PKHD1L1: variants seen among roughly 807,000 people sequenced by gnomAD.
PKHD1L1 encodes the protein fibrocystin-L.
In PKHD1L1, 434 loss-of-function variants were observed where a neutral mutation model predicts 462.9. The observed-to-expected ratio is 0.94, with a 90% CI of 0.87 to 1.02. The LOEUF is 1.02. PKHD1L1 is among the 50% of genes least tolerant of loss of function. The pLI, the probability that PKHD1L1 is intolerant of heterozygous loss-of-function variation, is 0.00. For missense variants in PKHD1L1, 5,202 were observed against 5,096.1 expected (o/e 1.02, Z -0.63); for synonymous variants, 1,781 against 1,750.0 (o/e 1.02, Z -0.44).
chr8:109,481,551 C>T lies in PKHD1L1; in HGVS notation c.9446C>T (p.Ala3149Val). The T allele has an allele frequency of 6.3e-7, 1 of 1,592,260 alleles. No homozygotes were observed. The highest frequency in any genetic ancestry group is 8.6e-7 in the Non-Finnish European group (1 of 1,169,130). The change falls in exon 56 of 78, where the codon GCA becomes GTA. Residue 3149 changes from alanine (A) to valine (V), a missense_variant. Transcript: ENST00000378402. ...WALPEGPNQG[A>V]KVLGVFGELD... ...CTTCCAGAAGGACCAAATCAAGGGG[C>T]AAAGGTCTTAGGTGTGTGTCTACAG... is the stretch of plus-strand genomic sequence containing the variant.
At position 109,485,077 on chromosome 8, in the gene PKHD1L1, T is replaced by C; in HGVS notation, c.9610T>C (p.Tyr3204His). 6.2e-7 allele frequency: 1 copy of C among 1,602,988 alleles called. No homozygotes were observed. The highest frequency in any genetic ancestry group is 8.5e-7 in the Non-Finnish European group (1 of 1,174,452). Residue 3204 changes from tyrosine (Y) to histidine (H), a missense_variant, in exon 58 of 78, where the codon TAC (tyrosine) becomes CAC (histidine). This residue lies in a region of PKHD1L1 where 4,497 missense variants were observed against 4,336.8 expected (regional missense o/e 1.04). Transcript: ENST00000378402. Reference protein sequence around the residue: ...GEEIVITTTSYDFHQTETRSI... With the variant: ...GEEIVITTTSHDFHQTETRSI... ...AGAGATTGTGATAACAACCACAAGC[T>C]ACGATTTCCACCAGACAGAAACAAG...
chr8:109,445,166 T>C lies in PKHD1L1; in HGVS notation c.5297T>C (p.Leu1766Pro). Residue 1766 changes from leucine to proline, a missense_variant, in exon 38 of 78, where the codon CTT becomes CCT. Transcript: ENST00000378402. ...TCTGTCATAGGATCTGTAAAAGTTC[T>C]TATTGAAGGAGAAGGTTTGGGGACT... ...PNSVIGSVKVLIEGEGLGTVL... is the reference protein window; with the variant it reads ...PNSVIGSVKVPIEGEGLGTVL... 6.2e-7 allele frequency: 1 copy of C among 1,613,954 alleles called. No homozygotes were observed. Among genetic ancestry groups the C allele is most frequent in the South Asian group, 1.1e-5 (1 of 91,082 alleles).
In PKHD1L1 at chr8:109,479,648, G is replaced by T; in HGVS notation, c.9178+9G>T. On this transcript the variant is annotated intron_variant, in intron 54 of 77. Coordinates refer to ENST00000378402, the MANE Select transcript of PKHD1L1 (RefSeq NM_177531.6). Reference sequence around the variant, plus strand: ...TGTGATTATACCTGAAGGTAAATGCGTAAACACAAATGAATGAAATGTTTG... The same window carrying T: ...TGTGATTATACCTGAAGGTAAATGCTTAAACACAAATGAATGAAATGTTTG... The T allele has an allele frequency of 7.0e-7, 1 of 1,432,170 alleles. No individual in the cohort carries two copies. Among genetic ancestry groups the T allele is most frequent in the Non-Finnish European group, 9.7e-7 (1 of 1,034,368 alleles). 88.7% of individuals were successfully genotyped at this position (1,432,170 alleles called of 1,614,324 possible).
chr8:109,471,920 G>A (rs771942641), intron 50 of PKHD1L1, among the ~76,000 whole-genome samples: 2 of 152,042 alleles, frequency 1.3e-5, no homozygotes, highest in South Asian at 2.1e-4. Flanking sequence ...TATAATGTCA[G>A]CTTATCCTAA....
At chr8:109,461,736 A>ATT (rs111875443) in intron 47 of PKHD1L1, 36 bp from the exon 48 acceptor site, 378 of 1,561,956 alleles carry the variant, frequency 2.4e-4, no homozygotes, top group Admixed American at 8.4e-4. Flanking sequence ...GGATTCCGAC[A>ATT]ATTTTTTTAA....
chr8:109,434,909 A>G (rs930104339), intron 28 of PKHD1L1, among the ~76,000 whole-genome samples: 2 of 152,098 alleles, frequency 1.3e-5, no homozygotes, highest in Admixed American at 1.3e-4. Context: ...AATTATGACA[A>G]TAGTCTGTTT....
rs115421118 is a variant in PKHD1L1, at chr8:109,423,687, A to T, written c.2698-1398A>T. ...CCTTGCTGGTATTTTGACAATAATTACATTAAATCTATAGACTGTTTTGGA... is the reference window on the plus strand; with the variant it reads ...CCTTGCTGGTATTTTGACAATAATTTCATTAAATCTATAGACTGTTTTGGA... On this transcript the variant is annotated intron_variant, in intron 23 of 77. Transcript: ENST00000378402. 4.3e-3 allele frequency among the ~76,000 whole-genome samples: 657 copies of T among 152,326 alleles called. 6 individuals carry two copies. The highest frequency in any genetic ancestry group is 0.015 in the African/African-American group (629 of 41,584).
intron 28 of PKHD1L1, among the ~76,000 whole-genome samples, chr8:109,434,408 C>T (rs1443262817): frequency 6.7e-6 from 1 of 149,642 alleles, no homozygotes; most frequent in South Asian, 2.1e-4. Context: ...AAAATGTTTT[C>T]ATTTACTTTT....
chr8:109,520,833 T>C (rs762647149), intron 73 of PKHD1L1, among the ~76,000 whole-genome samples: 13 of 152,138 alleles, frequency 8.5e-5, no homozygotes, highest in Admixed American at 1.3e-4. Flanking sequence ...GGTTTCTAGA[T>C]GGCAATCAGC....
intron 43 of PKHD1L1, among the ~76,000 whole-genome samples, chr8:109,453,516 G>A (rs1180327322): frequency 1.3e-5 from 2 of 152,082 alleles, no homozygotes; most frequent in South Asian, 2.1e-4. Flanking sequence ...CACAAACTTT[G>A]CCATAACAGG....
rs1812811324 is a variant in PKHD1L1 at position 109,393,608 on chromosome 8, G to T, written c.741-807G>T. 5.9e-5 allele frequency among the ~76,000 whole-genome samples: 9 copies of T among 152,256 alleles called. 1 individual carries two copies. In the South Asian group the frequency reaches 1.9e-3, roughly 32 times the overall value. Reference sequence around the variant, plus strand: ...GTACTGTGTAATACACACGTGAGGAGCCACAGCTCTGGACTCAAACTGCCT... The same window carrying T: ...GTACTGTGTAATACACACGTGAGGATCCACAGCTCTGGACTCAAACTGCCT... On this transcript the variant is annotated intron_variant, in intron 9 of 77. Coordinates refer to ENST00000378402, the MANE Select transcript of PKHD1L1 (RefSeq NM_177531.6).
At chr8:109,510,665 T>C in intron 70 of PKHD1L1, 112 bp from the exon 71 acceptor site, 2 of 1,330,088 alleles carry the variant, frequency 1.5e-6, no homozygotes, top group Non-Finnish European at 1.0e-6. Flanking sequence ...AATGCTGAAC[T>C]TGCATTTGAA....
intron 11 of PKHD1L1, among the ~76,000 whole-genome samples, chr8:109,398,168 G>A (rs1813073017): frequency 6.6e-6 from 1 of 152,016 alleles, no homozygotes; most frequent in South Asian, 2.1e-4. Context: ...GAATTCAGAA[G>A]TAACATTTTG....
intron 75 of PKHD1L1, 63 bp from the exon 76 acceptor site, chr8:109,523,169 TA>T: frequency 7.0e-7 from 1 of 1,423,572 alleles, no homozygotes; most frequent in Non-Finnish European, 9.5e-7. Flanking sequence ...AAGTTTTGCA[TA>T]TATTTTTAAA....
chr8:109,464,967 A>C lies in PKHD1L1; in HGVS notation c.8135A>C (p.His2712Pro). Residue 2712 changes from histidine (H) to proline (P), a missense_variant, in exon 49 of 78, where the codon CAT becomes CCT. His to Pro is a moderately conservative substitution (Grantham distance 77). Transcript: ENST00000378402. ...AVIKNAKIVG[H>P]LDELGMGSAF... ...ATTAAAAATGCCAAAATAGTCGGCC[A>C]TCTTGATGAACTGGGAATGGGGTCT... The C allele has an allele frequency of 6.2e-7, 1 of 1,613,868 alleles. No homozygotes were observed. The highest frequency in any genetic ancestry group is 1.1e-5 in the South Asian group (1 of 91,088).
chr8:109,399,500 T>A (rs1221647275), intron 12 of PKHD1L1, among the ~76,000 whole-genome samples: 2 of 152,140 alleles, frequency 1.3e-5, no homozygotes, highest in East Asian at 3.9e-4. Flanking sequence ...AGGTACAGTT[T>A]ATTGAGAGTA....
chr8:109,461,953 T>A (rs1249142351), intron 48 of PKHD1L1, 45 bp downstream of exon 48: 4 of 1,555,054 alleles, frequency 2.6e-6, no homozygotes, highest in Admixed American at 1.9e-5. Flanking sequence ...CTCAAGGTTA[T>A]CCATACAAGA....
rs1261270319 is a variant in PKHD1L1 at position 109,442,072 on chromosome 8, T to C, written c.4270T>C (p.Trp1424Arg). ...TGTGTCTGTGGGGGACACAGTGGCA[T>C]GGCATTGGCAAACACATCCGTTTCT... ...LNVSVGDTVA[W>R]HWQTHPFLRG... The change falls in exon 35 of 78, where the codon TGG becomes CGG. Residue 1424 changes from tryptophan (W) to arginine (R), a missense_variant. Coordinates refer to ENST00000378402, the MANE Select transcript of PKHD1L1 (RefSeq NM_177531.6). 1.2e-6 allele frequency: 2 copies of C among 1,613,530 alleles called. No individual in the cohort carries two copies. The highest frequency in any genetic ancestry group is 1.7e-6 in the Non-Finnish European group (2 of 1,179,580).
At chr8:109,367,610 C>T (rs1381587257) in intron 2 of PKHD1L1, among the ~76,000 whole-genome samples, 3 of 152,226 alleles carry the variant, frequency 2.0e-5, no homozygotes, top group South Asian at 4.1e-4. Context: ...GGGCTGGGCA[C>T]GTTGGTCCGT....
Sources: gnomAD v4.1 joint callset for allele counts (sites outside exome capture counted in the v4.1 genomes callset) on GRCh38, gnomAD v4.1.1 for gene constraint, gnomAD v4.1.1 regional missense constraint, MANE v1.5 for transcripts, NCBI Gene and HGNC (gene_info 2026-07-23, HGNC 2026-07-21) for gene names.